GPC5: variants seen among roughly 807,000 people sequenced by gnomAD.
GPC5 encodes glypican 5.
In GPC5, 47 loss-of-function variants were observed where a neutral mutation model predicts 53.9. The ratio of observed to expected loss-of-function variants is 0.87; its 90% CI spans 0.69 to 1.11. The LOEUF (loss-of-function observed/expected upper bound fraction) is 1.11. Among genes scored for constraint, GPC5 ranks in the 50% most tolerant of loss-of-function variants. The pLI, the probability that GPC5 is intolerant of heterozygous loss-of-function variation, is 0.00. For missense variants in GPC5, 748 were observed against 713.1 expected (o/e 1.05, Z -0.56); for synonymous variants, 286 against 263.3 (o/e 1.09, Z -0.84).
intron 7 of GPC5, among the ~76,000 whole-genome samples, chr13:92,491,281 ATT>A (rs974583866): frequency 2.0e-5 from 3 of 152,066 alleles, no homozygotes; most frequent in African/African-American, 7.2e-5. Flanking sequence ...AAAAGATCTG[ATT>A]TTTTTAGTCT....
chr13:92,519,728 C>G (rs1181929663), intron 7 of GPC5, among the ~76,000 whole-genome samples: 2 of 151,940 alleles, frequency 1.3e-5, no homozygotes, highest in South Asian at 2.1e-4. Context: ...ACTAGAGAAG[C>G]AAGAGCAAAC....
intron 7 of GPC5, among the ~76,000 whole-genome samples, chr13:92,639,392 A>G (rs1338082350): frequency 4.6e-5 from 7 of 152,238 alleles, no homozygotes; most frequent in African/African-American, 1.7e-4. Flanking sequence ...CTTGCTAAAA[A>G]TAAAATGAAA....
At chr13:92,840,459 G>T (rs1397072799) in intron 7 of GPC5, among the ~76,000 whole-genome samples, 1 of 151,842 alleles carries the variant, frequency 6.6e-6, no homozygotes, top group African/African-American at 2.4e-5. Flanking sequence ...TTATTCCCTT[G>T]ATTTGTCTAT....
chr13:92,549,894 C>T (rs1420216222), intron 7 of GPC5, among the ~76,000 whole-genome samples: 2 of 143,884 alleles, frequency 1.4e-5, no homozygotes, highest in Admixed American at 1.4e-4. Flanking sequence ...TACACACACA[C>T]ACACACACAC....
intron 2 of GPC5, among the ~76,000 whole-genome samples, chr13:91,666,154 A>T (rs1052227057): frequency 1.3e-5 from 2 of 152,222 alleles, no homozygotes; most frequent in Admixed American, 6.5e-5. Flanking sequence ...TCTGAAGGCC[A>T]CTTCCACATA....
At position 91,756,346 on chromosome 13, in the gene GPC5, T is replaced by A. The variant is rs1009196812; in HGVS notation, c.1206T>A (p.Ala402=). The change falls in exon 5 of 8, where the codon GCT becomes GCA. Residue 402 remains alanine (A), a synonymous_variant. Transcript: ENST00000377067. The part of the protein sequence containing the change: ...RLYRSFYGGL[A]DQLCANELAA... ...ACAGGTCATTCTATGGAGGTCTAGC[T>A]GATCAGCTTTGTGCTAATGAATTAG... is the stretch of plus-strand genomic sequence containing the variant. The A allele has an allele frequency of 1.3e-6, 2 of 1,595,784 alleles. No homozygotes were observed. Among genetic ancestry groups the A allele is most frequent in the Non-Finnish European group, 1.7e-6 (2 of 1,166,516 alleles).
At chr13:91,772,495 C>T (rs1208009198) in intron 5 of GPC5, among the ~76,000 whole-genome samples, 1 of 151,896 alleles carries the variant, frequency 6.6e-6, no homozygotes. Context: ...TATTGGTTTG[C>T]CATATGTGGT....
intron 6 of GPC5, among the ~76,000 whole-genome samples, chr13:92,067,444 A>G (rs1484103328): frequency 1.3e-5 from 2 of 152,042 alleles, no homozygotes; most frequent in Non-Finnish European, 2.9e-5. Flanking sequence ...TCCAAGCTGT[A>G]TGTTTTAGGA....
At chr13:91,863,230 C>T (rs1367856760) in intron 5 of GPC5, among the ~76,000 whole-genome samples, 7 of 152,056 alleles carry the variant, frequency 4.6e-5, no homozygotes, top group Middle Eastern at 3.2e-3. Flanking sequence ...TCAGGTGGTA[C>T]ATAATTTCAA....
At chr13:91,832,342 T>G (rs1323625743) in intron 5 of GPC5, among the ~76,000 whole-genome samples, 1 of 150,358 alleles carries the variant, frequency 6.7e-6, no homozygotes, top group Non-Finnish European at 1.5e-5. Context: ...TTGGTAAATA[T>G]TCCTCCGTCC....
At chr13:92,641,002 C>T (rs902089859) in intron 7 of GPC5, among the ~76,000 whole-genome samples, 4 of 151,748 alleles carry the variant, frequency 2.6e-5, no homozygotes, top group African/African-American at 4.8e-5. Context: ...ATGGGGGTGG[C>T]GAATACCATT....
intron 2 of GPC5, among the ~76,000 whole-genome samples, chr13:91,555,309 C>G (rs1036680184): frequency 4.6e-5 from 7 of 152,020 alleles, no homozygotes; most frequent in Admixed American, 3.9e-4. Context: ...GTGATCACAG[C>G]AAAGTCAAGA....
At chr13:92,077,408 T>G (rs1350961310) in intron 6 of GPC5, among the ~76,000 whole-genome samples, 1 of 152,198 alleles carries the variant, frequency 6.6e-6, no homozygotes, top group African/African-American at 2.4e-5. Flanking sequence ...AGCCTTGTAC[T>G]TACAGAGTAG....
chr13:92,647,300 A>G (rs1447903258), intron 7 of GPC5, among the ~76,000 whole-genome samples: 3 of 152,122 alleles, frequency 2.0e-5, no homozygotes, highest in African/African-American at 7.2e-5. Context: ...TAAGATCTTT[A>G]TAACTATAAC....
intron 7 of GPC5, among the ~76,000 whole-genome samples, chr13:92,847,345 G>A (rs1473211490): frequency 6.6e-6 from 1 of 152,122 alleles, no homozygotes; most frequent in Admixed American, 6.6e-5. Flanking sequence ...CTGTGATATG[G>A]TTTGGATTTG....
In GPC5 at chr13:91,398,678, AGTG is replaced by A. The variant is rs1876654855; in HGVS notation, c.-367_-365del. 3.2e-4 allele frequency: 7 copies of A among 21,868 alleles called. No homozygotes were observed. The highest frequency in any genetic ancestry group is 6.7e-4 in the Non-Finnish European group (5 of 7,496). The allele number at this position is 21,868 out of a possible 1,614,324, so 1.4% of individuals were successfully genotyped here. A position where few individuals can be genotyped will look rare whatever the true frequency, so the allele number is the denominator to read the frequency against. ...CGGCGGAGGCGGCGGCGGCGGCGGC[AGTG>A]GCGGCAGTGGCGGCAGTGGCGGCAG... On this transcript the variant is annotated 5_prime_UTR_variant, in exon 1 of 8. Coordinates refer to ENST00000377067, the MANE Select transcript of GPC5 (RefSeq NM_004466.6).
chr13:91,711,863 T>C (rs1212054191), intron 3 of GPC5, among the ~76,000 whole-genome samples: 4 of 152,210 alleles, frequency 2.6e-5, no homozygotes, highest in African/African-American at 9.6e-5. Context: ...TGGCCTAGTA[T>C]GTGGCTGGGT....
At chr13:91,476,976 C>A (rs1882967798) in intron 2 of GPC5, among the ~76,000 whole-genome samples, 1 of 152,102 alleles carries the variant, frequency 6.6e-6, no homozygotes, top group South Asian at 2.1e-4. Flanking sequence ...GACCCCCACA[C>A]AGAAATTTTA....
rs573276374 is a variant in GPC5 at position 91,969,541 on chromosome 13, G to C, written c.1401+61484G>C. Among the ~76,000 whole-genome samples, 196 of 152,154 alleles carry C rather than the reference G, an allele frequency of 1.3e-3. 2 individuals carry two copies. The South Asian group carries it at 0.013, about 10-fold the overall frequency. On this transcript the variant is annotated intron_variant, in intron 6 of 7. Transcript: ENST00000377067. Reference sequence around the variant, plus strand: ...AAGGGGTACTATACCAATTTTAAAAGCTTCTGTACATCAAAGAGAATAATC... The same window carrying C: ...AAGGGGTACTATACCAATTTTAAAACCTTCTGTACATCAAAGAGAATAATC...
Sources: gnomAD v4.1 joint callset for allele counts (sites outside exome capture counted in the v4.1 genomes callset) on GRCh38, gnomAD v4.1.1 for gene constraint, MANE v1.5 for transcripts, NCBI Gene and HGNC (gene_info 2026-07-23, HGNC 2026-07-21) for gene names.